The following XYLT1 variants were observed in gnomAD, a reference collection of about 807,000 sequenced individuals.
XYLT1 encodes the protein beta-D-xylosyltransferase 1.
XYLT1 carries 36 observed loss-of-function variants against 91.3 expected under a neutral mutation model. The observed-to-expected ratio is 0.39, with a 90% CI of 0.30 to 0.52. The LOEUF (loss-of-function observed/expected upper bound fraction) is 0.52, where lower values mean the gene tolerates loss of function less well. XYLT1 is among the 20% of genes least tolerant of loss of function. The probability of loss-of-function intolerance (pLI) is 0.68; values close to 1 mark genes in which losing one functional copy is unlikely to be tolerated. For missense variants in XYLT1, 1,242 were observed against 1,284.5 expected, an observed-to-expected ratio of 0.97 and a Z score of 0.51; for synonymous variants, 588 against 532.0, an observed-to-expected ratio of 1.11 and a Z score of -1.45.
At chr16:17,139,293 C>CAA (rs2030889760) in intron 7 of XYLT1, among the ~76,000 whole-genome samples, 1 of 151,228 alleles carries the variant, frequency 6.6e-6, no homozygotes, top group African/African-American at 2.5e-5. Flanking sequence ...CTGCCCGTTA[C>CAA]AAGTTAATGG....
At chr16:17,237,259 C>T (rs1253168675) in intron 3 of XYLT1, among the ~76,000 whole-genome samples, 2 of 152,186 alleles carry the variant, frequency 1.3e-5, no homozygotes, top group Admixed American at 6.5e-5. Context: ...AGAAGGAGAT[C>T]TGTGTTTTTC....
intron 2 of XYLT1, among the ~76,000 whole-genome samples, chr16:17,288,621 C>T (rs2034175691): frequency 6.6e-6 from 1 of 152,160 alleles, no homozygotes; most frequent in South Asian, 2.1e-4. Flanking sequence ...CTGCTTTGGC[C>T]AAAAGAAGGT....
At position 17,138,546 on chromosome 16, in the gene XYLT1, G is replaced by C. The variant is rs373631554; in HGVS notation, c.1588-15C>G. The C allele has an allele frequency of 4.9e-5, 79 of 1,611,216 alleles. No homozygotes were observed. In the African/African-American group the frequency reaches 1.0e-3, roughly 21 times the overall value. On this transcript the variant is annotated splice_polypyrimidine_tract_variant and intron_variant, in intron 7 of 11. Transcript: ENST00000261381. The stretch of plus-strand genomic sequence containing the variant: ...TGGAAGAAGGACTGCAGGGGAGAGA[G>C]GGACCCAGCCTGAGACCTCTCCCAG...
chr16:17,196,504 A>T (rs138503544), intron 5 of XYLT1, among the ~76,000 whole-genome samples: 2 of 152,342 alleles, frequency 1.3e-5, no homozygotes, highest in East Asian at 3.9e-4. Flanking sequence ...CAGATACAAG[A>T]ACAATGGCCA....
At chr16:17,310,365 C>T (rs1035323024) in intron 2 of XYLT1, among the ~76,000 whole-genome samples, 1 of 152,164 alleles carries the variant, frequency 6.6e-6, no homozygotes, top group African/African-American at 2.4e-5. Context: ...GGTCAAGACT[C>T]ACAGTCATAC....
At chr16:17,413,525 A>G (rs1269860855) in intron 1 of XYLT1, among the ~76,000 whole-genome samples, 1 of 151,028 alleles carries the variant, frequency 6.6e-6, no homozygotes, top group African/African-American at 2.4e-5. Flanking sequence ...AGCTCACTGC[A>G]GCCTCAACCT....
intron 1 of XYLT1, among the ~76,000 whole-genome samples, chr16:17,385,603 T>TCTGTAC (rs1338095743): frequency 6.6e-6 from 1 of 151,896 alleles, no homozygotes; most frequent in African/African-American, 2.4e-5. Flanking sequence ...TTGCCATATT[T>TCTGTAC]CTGTACCACC....
At chr16:17,229,815 T>G (rs754067) in intron 3 of XYLT1, among the ~76,000 whole-genome samples, 1 of 152,110 alleles carries the variant, frequency 6.6e-6, no homozygotes, top group African/African-American at 2.4e-5. Context: ...TCCAAAATCA[T>G]GTCCACTCAG....
At chr16:17,280,685 A>G (rs2034043710) in intron 2 of XYLT1, among the ~76,000 whole-genome samples, 1 of 152,148 alleles carries the variant, frequency 6.6e-6, no homozygotes, top group African/African-American at 2.4e-5. Flanking sequence ...TCATGTATTT[A>G]TATTTTTAGT....
intron 5 of XYLT1, among the ~76,000 whole-genome samples, chr16:17,167,705 A>T (rs1042770845): frequency 1.3e-5 from 2 of 151,030 alleles, no homozygotes; most frequent in Admixed American, 6.6e-5. Context: ...ACGGATTCTA[A>T]CCCATCTTTC....
chr16:17,298,032 A>G (rs2034339253), intron 2 of XYLT1, among the ~76,000 whole-genome samples: 1 of 152,124 alleles, frequency 6.6e-6, no homozygotes, highest in Admixed American at 6.5e-5. Context: ...AAAAAAAAAA[A>G]AAATTATTCC....
At chr16:17,261,116 C>A (rs931890702) in intron 2 of XYLT1, among the ~76,000 whole-genome samples, 9 of 151,926 alleles carry the variant, frequency 5.9e-5, no homozygotes, top group African/African-American at 2.2e-4. Flanking sequence ...GTGGTGCACA[C>A]CTGTAGTCTC....
intron 3 of XYLT1, among the ~76,000 whole-genome samples, chr16:17,236,662 C>T (rs938377442): frequency 6.6e-5 from 10 of 152,180 alleles, no homozygotes; most frequent in Non-Finnish European, 2.9e-5. Context: ...CTTCTGAGGG[C>T]TGAGAAGGAA....
In XYLT1 at chr16:17,102,364, T is replaced by A. The variant is rs1329873010; in HGVS notation, c.*6331A>T. On this transcript the variant is annotated 3_prime_UTR_variant, in exon 12 of 12. Coordinates refer to ENST00000261381, the MANE Select transcript of XYLT1 (RefSeq NM_022166.4). ...GTTTTTTTAATTTTAAAATTCTGCA[T>A]CTGAAAACACAGTATGACAGAAAGC... The A allele has an allele frequency of 6.6e-6, 1 of 152,634 alleles. No individual in the cohort carries two copies. The highest frequency in any genetic ancestry group is 1.5e-5 in the Non-Finnish European group (1 of 68,042). The allele number at this position is 152,634 out of a possible 1,614,324, so 9.5% of individuals were successfully genotyped here. A position where few individuals can be genotyped will look rare whatever the true frequency, so the allele number is the denominator to read the frequency against.
chr16:17,162,134 G>A (rs2031569894), intron 5 of XYLT1, among the ~76,000 whole-genome samples: 1 of 152,138 alleles, frequency 6.6e-6, no homozygotes, highest in South Asian at 2.1e-4. Context: ...TTGGCTGGGT[G>A]TGGTAGCTCA....
chr16:17,235,707 G>A (rs564140982), intron 3 of XYLT1, among the ~76,000 whole-genome samples: 1 of 152,094 alleles, frequency 6.6e-6, no homozygotes, highest in South Asian at 2.1e-4. Flanking sequence ...CTTAAAAAAC[G>A]TTTGCCTAGT....
At chr16:17,237,531 A>G (rs2033267876) in intron 3 of XYLT1, among the ~76,000 whole-genome samples, 1 of 152,194 alleles carries the variant, frequency 6.6e-6, no homozygotes, top group Non-Finnish European at 1.5e-5. Flanking sequence ...GGAAGTGCAC[A>G]TGTAATTAAA....
intron 1 of XYLT1, among the ~76,000 whole-genome samples, chr16:17,443,558 A>G (rs943715242): frequency 6.6e-6 from 1 of 152,202 alleles, no homozygotes; most frequent in African/African-American, 2.4e-5. Flanking sequence ...AGGCCTCTCC[A>G]GCTATGCGGA....
In XYLT1 at chr16:17,330,545, G is replaced by A. The variant is rs139111572; in HGVS notation, c.402+27467C>T. Among the ~76,000 whole-genome samples, 927 of 152,212 alleles carry A rather than the reference G, an allele frequency of 6.1e-3. 8 individuals carry two copies. The highest frequency in any genetic ancestry group is 0.021 in the African/African-American group (878 of 41,534). ...CTCACACCTGTAATCCTAGCACTTTGGGAGGCCGAGGCAGGCAGATCTCCT... is the reference window on the plus strand; with the variant it reads ...CTCACACCTGTAATCCTAGCACTTTAGGAGGCCGAGGCAGGCAGATCTCCT... On this transcript the variant is annotated intron_variant, in intron 2 of 11. Transcript: ENST00000261381.
Sources: gnomAD v4.1 joint callset for allele counts (sites outside exome capture counted in the v4.1 genomes callset) on GRCh38, gnomAD v4.1.1 for gene constraint, MANE v1.5 for transcripts, NCBI Gene and HGNC (gene_info 2026-07-23, HGNC 2026-07-21) for gene names.